MGAT4C: variants seen among roughly 807,000 people sequenced by gnomAD.
The protein encoded by MGAT4C is alpha-1,3-mannosyl-glycoprotein 4-beta-N-acetylglucosaminyltransferase C.
Under a neutral mutation model 40.1 loss-of-function variants are expected in MGAT4C, and 19 were observed. The ratio of observed to expected loss-of-function variants is 0.47; its 90% CI spans 0.33 to 0.70. MGAT4C has a LOEUF of 0.70. Ranked by LOEUF, MGAT4C falls within the 30% of genes least tolerant of loss-of-function variation. The pLI is 0.02. For missense variants in MGAT4C, 491 were observed against 563.2 expected, an observed-to-expected ratio of 0.87 and a Z score of 1.30; for synonymous variants, 181 against 187.1, an observed-to-expected ratio of 0.97 and a Z score of 0.27.
Position 86,543,213 on chromosome 12 carries a change from T to C in MGAT4C, c.-228-107948A>G, listed in dbSNP as rs77976730. ...AGGATAAAATGATAAAGAAATTACA[T>C]AGCATTATTAGTTTTATATTCCTAC... On this transcript the variant is annotated intron_variant, in intron 2 of 7. Coordinates refer to the MGAT4C transcript ENST00000548651. Among the ~76,000 whole-genome samples, 42 of 151,836 alleles carry C rather than the reference T, an allele frequency of 2.8e-4. 1 individual carries two copies. In the East Asian group the frequency reaches 7.7e-3, roughly 28 times the overall value.
At chr12:86,515,909 AT>A (rs560460784) in intron 2 of MGAT4C, among the ~76,000 whole-genome samples, 3 of 151,220 alleles carry the variant, frequency 2.0e-5, no homozygotes, top group East Asian at 3.9e-4. Context: ...CGCCCAGCTA[AT>A]TTTTTTTGTA....
In MGAT4C at chr12:85,962,654, T is replaced by C. The variant is rs1293052459; in HGVS notation, c.*16635A>G. 6.6e-6 allele frequency: 1 copy of C among 151,040 alleles called. No homozygotes were observed. Among genetic ancestry groups the C allele is most frequent in the Non-Finnish European group, 1.5e-5 (1 of 67,486 alleles). The allele number at this position is 151,040 out of a possible 1,614,324, so 9.4% of individuals were successfully genotyped here. ...TTGTTTAAGTACATTCAACTTGTAA[T>C]GAACTGTAAACTTCACCCATAACAT... On this transcript the variant is annotated 3_prime_UTR_variant, in exon 5 of 5. Coordinates refer to ENST00000611864, the MANE Select transcript of MGAT4C (RefSeq NM_001351288.2).
chr12:86,811,502 C>T (rs1310552866), intron 1 of MGAT4C, among the ~76,000 whole-genome samples: 1 of 150,684 alleles, frequency 6.6e-6, no homozygotes, highest in Admixed American at 6.7e-5. Flanking sequence ...ACACCACGCC[C>T]AGCAAATTTT....
chr12:86,613,990 A>C (rs1962367731), intron 2 of MGAT4C, among the ~76,000 whole-genome samples: 1 of 152,204 alleles, frequency 6.6e-6, no homozygotes, highest in Non-Finnish European at 1.5e-5. Context: ...TGAGCAGAGC[A>C]ATCAATGGGA....
chr12:85,967,525 T>C lies in MGAT4C; in HGVS notation c.*11764A>G, dbSNP rs1350206836. 1 of 152,064 alleles carries C rather than the reference T, an allele frequency of 6.6e-6. No individual in the cohort carries two copies. 9.4% of individuals were successfully genotyped at this position (152,064 alleles called of 1,614,324 possible). On this transcript the variant is annotated 3_prime_UTR_variant, in exon 5 of 5. Coordinates refer to ENST00000611864, the MANE Select transcript of MGAT4C (RefSeq NM_001351288.2). ...AAAATCTAATTTTATGCAGATAAAA[T>C]CTGAAAATCATATAAGTCCAAGATG...
At chr12:86,488,694 T>C (rs376914664) in intron 2 of MGAT4C, among the ~76,000 whole-genome samples, 8 of 152,196 alleles carry the variant, frequency 5.3e-5, no homozygotes, top group East Asian at 1.9e-4. Flanking sequence ...TTGGAGATTA[T>C]TCTTCACAAC....
chr12:86,707,529 T>A (rs1356346992), intron 2 of MGAT4C, among the ~76,000 whole-genome samples: 3 of 125,190 alleles, frequency 2.4e-5, no homozygotes, highest in African/African-American at 1.1e-4. Flanking sequence ...TTTTCTTTTC[T>A]TTTTTTTTTT....
In MGAT4C at chr12:85,964,460, T is replaced by C. The variant is rs2136647560; in HGVS notation, c.*14829A>G. 6.6e-6 allele frequency: 1 copy of C among 152,232 alleles called. No homozygotes were observed. Among genetic ancestry groups the C allele is most frequent in the South Asian group, 2.1e-4 (1 of 4,824 alleles). 9.4% of individuals were successfully genotyped at this position (152,232 alleles called of 1,614,324 possible). A position where few individuals can be genotyped will look rare whatever the true frequency, so the allele number is the denominator to read the frequency against. ...AATAATAGTATCATTCTATTTCAGG[T>C]TCTTAAGCAACATTCCTAAGACTAG... On this transcript the variant is annotated 3_prime_UTR_variant, in exon 5 of 5. Coordinates refer to ENST00000611864, the MANE Select transcript of MGAT4C (RefSeq NM_001351288.2).
intron 3 of MGAT4C, among the ~76,000 whole-genome samples, chr12:86,411,808 C>T (rs531007471): frequency 6.6e-6 from 1 of 152,128 alleles, no homozygotes; most frequent in Non-Finnish European, 1.5e-5. Context: ...CCAGACCCTC[C>T]CATCATAGGC....
intron 2 of MGAT4C, among the ~76,000 whole-genome samples, chr12:86,576,731 GT>G (rs1454565546): frequency 2.0e-5 from 3 of 151,898 alleles, no homozygotes; most frequent in Non-Finnish European, 4.4e-5. Context: ...TAGATCTGTA[GT>G]ATAATTTGAA....
chr12:86,236,235 C>T (rs1338872733), intron 1 of MGAT4C, among the ~76,000 whole-genome samples: 4 of 152,010 alleles, frequency 2.6e-5, no homozygotes, highest in South Asian at 2.1e-4. Flanking sequence ...GTTGATGTAG[C>T]GTCTGTACAA....
At position 86,094,308 on chromosome 12, in the gene MGAT4C, A is replaced by T. The variant is rs142085365; in HGVS notation, c.-56-44585T>A. 1.5e-4 allele frequency among the ~76,000 whole-genome samples: 23 copies of T among 152,296 alleles called. 1 individual carries two copies. In the East Asian group the frequency reaches 4.4e-3, roughly 29 times the overall value. On this transcript the variant is annotated intron_variant, in intron 1 of 4. Transcript: ENST00000611864. ...CCACGATTTTTGTTCCAAAAAATTGACAGAAAAGATCAGTAAATAAATTAT... is the reference window on the plus strand; with the variant it reads ...CCACGATTTTTGTTCCAAAAAATTGTCAGAAAAGATCAGTAAATAAATTAT...
intron 2 of MGAT4C, among the ~76,000 whole-genome samples, chr12:86,700,900 G>T (rs992226082): frequency 1.3e-5 from 2 of 151,974 alleles, no homozygotes; most frequent in Non-Finnish European, 2.9e-5. Context: ...TGATAGTAGA[G>T]AATTTCCTCA....
At chr12:86,012,753 A>AAACAAT (rs1888597579) in intron 2 of MGAT4C, among the ~76,000 whole-genome samples, 1 of 109,656 alleles carries the variant, frequency 9.1e-6, no homozygotes, top group African/African-American at 3.8e-5. Context: ...ACTCCGTCTC[A>AAACAAT]AACAACAACA....
At chr12:86,653,006 C>T (rs911606621) in intron 2 of MGAT4C, among the ~76,000 whole-genome samples, 2 of 151,672 alleles carry the variant, frequency 1.3e-5, no homozygotes, top group Non-Finnish European at 2.9e-5. Flanking sequence ...GAAATTAAAG[C>T]TATAGGGGCT....
At position 86,294,903 on chromosome 12, in the gene MGAT4C, C is replaced by T. The variant is rs142482757; in HGVS notation, c.-57+39162G>A. Among the ~76,000 whole-genome samples the T allele has an allele frequency of 5.3e-3, 811 of 152,226 alleles. 1 individual carries two copies. Among genetic ancestry groups the T allele is most frequent in the African/African-American group, 8.4e-3 (351 of 41,546 alleles). On this transcript the variant is annotated intron_variant, in intron 4 of 7. Transcript: ENST00000548651. Reference sequence around the variant, plus strand: ...TACAATGAAAGCTTTTTATCAAGGGCGCCCCGTAAAGTCTTTGTTCACTTC... The same window carrying T: ...TACAATGAAAGCTTTTTATCAAGGGTGCCCCGTAAAGTCTTTGTTCACTTC...
chr12:86,163,921 G>A (rs1387402295), intron 1 of MGAT4C, among the ~76,000 whole-genome samples: 1 of 152,126 alleles, frequency 6.6e-6, no homozygotes, highest in Admixed American at 6.6e-5. Flanking sequence ...AGACATATAT[G>A]CACATAAAGA....
chr12:86,246,424 C>G (rs552487698), intron 1 of MGAT4C, among the ~76,000 whole-genome samples: 1 of 152,170 alleles, frequency 6.6e-6, no homozygotes, highest in Admixed American at 6.5e-5. Context: ...TGCCTACACA[C>G]TCATGAACAG....
intron 1 of MGAT4C, among the ~76,000 whole-genome samples, chr12:86,732,230 T>A (rs1950922489): frequency 6.6e-6 from 1 of 152,174 alleles, no homozygotes; most frequent in South Asian, 2.1e-4. Context: ...TACTTTCTAT[T>A]TAGTTCATCA....
Sources: gnomAD v4.1 joint callset for allele counts (sites outside exome capture counted in the v4.1 genomes callset) on GRCh38, gnomAD v4.1.1 for gene constraint, MANE v1.5 for transcripts, NCBI Gene and HGNC (gene_info 2026-07-23, HGNC 2026-07-21) for gene names.